The following SULF2 variants were observed in gnomAD, a reference collection of about 807,000 sequenced individuals.
SULF2 encodes extracellular sulfatase Sulf-2.
In SULF2, 52 loss-of-function variants were observed where a neutral mutation model predicts 107.7. The ratio of observed to expected loss-of-function variants is 0.48; its 90% confidence interval spans 0.39 to 0.61. The LOEUF is 0.61. SULF2 is among the 20% of genes least tolerant of loss of function. The pLI, the probability that SULF2 is intolerant of heterozygous loss-of-function variation, is 0.00. For synonymous variants in SULF2, 460 were observed against 464.3 expected, an observed-to-expected ratio of 0.99 and a Z score of 0.12; for missense variants, 993 against 1,177.3, an observed-to-expected ratio of 0.84 and a Z score of 2.29.
chr20:47,765,882 T>C (rs1300976250), intron 1 of SULF2, among the ~76,000 whole-genome samples: 1 of 152,210 alleles, frequency 6.6e-6, no homozygotes, highest in East Asian at 1.9e-4. Flanking sequence ...GTGTGTTGTA[T>C]AAACAGCAAG....
chr20:47,755,773 C>T (rs2090266944), intron 2 of SULF2, among the ~76,000 whole-genome samples: 1 of 152,136 alleles, frequency 6.6e-6, no homozygotes, highest in Admixed American at 6.5e-5. Flanking sequence ...AAGGCCCCCT[C>T]ATCCATGTCT....
intron 13 of SULF2, 120 bp from the exon 14 acceptor site, chr20:47,665,413 G>A (rs760444854): frequency 3.4e-5 from 25 of 734,716 alleles, no homozygotes; most frequent in Admixed American, 4.2e-5. Flanking sequence ...TGCACTCCCC[G>A]GGCCCCAGGG....
intron 4 of SULF2, among the ~76,000 whole-genome samples, chr20:47,696,726 G>T (rs929728033): frequency 2.0e-5 from 3 of 152,264 alleles, no homozygotes; most frequent in Non-Finnish European, 4.4e-5. Flanking sequence ...AGGTGGTCCA[G>T]GAAGGCTAAA....
intron 3 of SULF2, among the ~76,000 whole-genome samples, chr20:47,713,689 G>A (rs1312106840): frequency 6.6e-6 from 1 of 151,916 alleles, no homozygotes; most frequent in Admixed American, 6.6e-5. Flanking sequence ...GTTTAGGTCT[G>A]CAGTGAGCCA....
chr20:47,697,846 G>A (rs1287486990), intron 4 of SULF2, among the ~76,000 whole-genome samples: 1 of 152,224 alleles, frequency 6.6e-6, no homozygotes, highest in African/African-American at 2.4e-5. Context: ...GAGATGAGGC[G>A]TGGATGTGGT....
At chr20:47,772,563 C>CAGA (rs1483507305) in intron 1 of SULF2, among the ~76,000 whole-genome samples, 1 of 152,170 alleles carries the variant, frequency 6.6e-6, no homozygotes, top group African/African-American at 2.4e-5. Context: ...CTTGATGACC[C>CAGA]AGAGGCTTGG....
intron 18 of SULF2, 36 bp downstream of exon 18, chr20:47,661,737 G>C: frequency 6.8e-7 from 1 of 1,479,196 alleles, no homozygotes; most frequent in South Asian, 1.4e-5. Flanking sequence ...TGGTTACCCT[G>C]CTGTCCAAGG....
chr20:47,681,414 T>C (rs2087818957), intron 7 of SULF2, among the ~76,000 whole-genome samples: 1 of 152,174 alleles, frequency 6.6e-6, no homozygotes, highest in Non-Finnish European at 1.5e-5. Flanking sequence ...TTGGGCCCTA[T>C]GAGTCAGATC....
chr20:47,718,666 C>T (rs187004392), intron 3 of SULF2, among the ~76,000 whole-genome samples: 7 of 151,962 alleles, frequency 4.6e-5, no homozygotes, highest in Non-Finnish European at 1.0e-4. Flanking sequence ...ATGTGGCATG[C>T]GAAAGAAGTA....
rs397837137 is a variant in SULF2, at chr20:47,742,927, A to ATTTTTTTTT, written c.176-5994_176-5986dup. On this transcript the variant is annotated intron_variant, in intron 2 of 20. Transcript: ENST00000688720. ...AGGGAGTTTCAGGATTCAAAACATG[A>ATTTTTTTTT]TTTTTTTTTTTTTTTTTTTTTTTTT... Among the ~76,000 whole-genome samples, 12 of 99,452 alleles carry ATTTTTTTTT rather than the reference A, an allele frequency of 1.2e-4. 6 individuals are homozygous for ATTTTTTTTT. The highest frequency in any genetic ancestry group is 6.8e-4 in the South Asian group (2 of 2,936). The allele number at this position is 99,452 out of a possible 152,430, so 65.2% of individuals were successfully genotyped here.
At chr20:47,709,904 T>G (rs2088872724) in intron 3 of SULF2, among the ~76,000 whole-genome samples, 2 of 73,204 alleles carry the variant, frequency 2.7e-5, no homozygotes, top group Admixed American at 1.2e-4. Context: ...TGAAACCACT[T>G]TTTTTTTTTT....
rs555971465 is a variant in SULF2 at position 47,657,708 on chromosome 20, C to T, written c.*654G>A. 1.3e-5 allele frequency: 2 copies of T among 152,424 alleles called. No homozygotes were observed. The highest frequency in any genetic ancestry group is 4.8e-5 in the African/African-American group (2 of 41,562). The allele number at this position is 152,424 out of a possible 1,614,324, so 9.4% of individuals were successfully genotyped here. On this transcript the variant is annotated 3_prime_UTR_variant, in exon 21 of 21. Coordinates refer to ENST00000688720, the MANE Select transcript of SULF2 (RefSeq NM_001387048.1). ...GCCACAGAGCGTTTATTGACACCAC[C>T]ACTCCTGAAAATTGGGATTTCTTAT...
intron 3 of SULF2, among the ~76,000 whole-genome samples, chr20:47,730,908 A>AG (rs1568871110): frequency 1.3e-5 from 2 of 152,150 alleles, no homozygotes. Context: ...GCTGCTGCAG[A>AG]GCAGGTGATC....
chr20:47,747,352 A>G (rs2090067397), intron 2 of SULF2, among the ~76,000 whole-genome samples: 3 of 152,222 alleles, frequency 2.0e-5, no homozygotes, highest in Non-Finnish European at 4.4e-5. Context: ...TCGGGTTGTC[A>G]GAGAGACCAT....
chr20:47,711,133 C>T (rs562770378), intron 3 of SULF2, among the ~76,000 whole-genome samples: 1 of 152,212 alleles, frequency 6.6e-6, no homozygotes, highest in East Asian at 1.9e-4. Context: ...CTGGGAACCT[C>T]GGCCACCTCT....
Position 47,678,454 on chromosome 20 carries a change from C to T in SULF2, c.1193+222G>A. The T allele has an allele frequency of 1.7e-6, 1 of 601,316 alleles. No individual in the cohort carries two copies. Among genetic ancestry groups the T allele is most frequent in the Non-Finnish European group, 3.0e-6 (1 of 337,100 alleles). 37.2% of individuals were successfully genotyped at this position (601,316 alleles called of 1,614,324 possible). ...TGGGTAATTTTAGCTCAGAGAAGGTCCCCAACTGGTCACCTTGGCCACATT... is the reference window on the plus strand; with the variant it reads ...TGGGTAATTTTAGCTCAGAGAAGGTTCCCAACTGGTCACCTTGGCCACATT... On this transcript the variant is annotated intron_variant, in intron 8 of 20. Coordinates refer to ENST00000688720, the MANE Select transcript of SULF2 (RefSeq NM_001387048.1). The surrounding 1 kb of genome is among the most constrained non-coding windows in gnomAD (Gnocchi z 4.5).
At chr20:47,725,835 G>A (rs557465736) in intron 3 of SULF2, among the ~76,000 whole-genome samples, 2 of 152,306 alleles carry the variant, frequency 1.3e-5, no homozygotes, top group East Asian at 3.9e-4. Context: ...TCCCGGCCTC[G>A]GTGTAGGAAC....
chr20:47,690,347 T>G (rs1263128192), intron 4 of SULF2, 52 bp from the exon 5 acceptor site: 8 of 1,349,956 alleles, frequency 5.9e-6, no homozygotes, highest in African/African-American at 1.5e-5. Flanking sequence ...GTATTCATAC[T>G]GGTGTCCACT....
intron 1 of SULF2, among the ~76,000 whole-genome samples, chr20:47,772,735 G>A (rs1458092347): frequency 6.6e-6 from 1 of 152,078 alleles, no homozygotes; most frequent in Non-Finnish European, 1.5e-5. Flanking sequence ...GCCATGACCT[G>A]CTTATGATGA....
Sources: gnomAD v4.1 joint callset for allele counts (sites outside exome capture counted in the v4.1 genomes callset) on GRCh38, gnomAD v4.1.1 for gene constraint, Gnocchi (gnomAD v3.1) non-coding constraint, MANE v1.5 for transcripts, NCBI Gene and HGNC (gene_info 2026-07-23, HGNC 2026-07-21) for gene names.